The following PTK2B variants were observed in gnomAD, a reference collection of about 807,000 sequenced individuals.
PTK2B encodes the protein protein tyrosine kinase 2 beta.
PTK2B carries 71 observed loss-of-function variants against 142.9 expected under a neutral mutation model. That is an observed-to-expected ratio of 0.50 (90% CI 0.41 to 0.61). The LOEUF (loss-of-function observed/expected upper bound fraction) is 0.61. PTK2B is among the 20% of genes least tolerant of loss of function. PTK2B has a pLI of 0.00. For synonymous variants in PTK2B, 519 were observed against 503.4 expected, an observed-to-expected ratio of 1.03 and a Z score of -0.42; for missense variants, 1,105 against 1,320.4, an observed-to-expected ratio of 0.84 and a Z score of 2.53.
chr8:27,348,325 CCT>C (rs775377468), intron 1 of PTK2B, among the ~76,000 whole-genome samples: 3 of 152,106 alleles, frequency 2.0e-5, no homozygotes, highest in Non-Finnish European at 2.9e-5. Flanking sequence ...TGGTCTCTGC[CCT>C]GTTTCCTCTG....
chr8:27,434,248 A>G (rs1810628687), intron 12 of PTK2B, 116 bp downstream of exon 12: 2 of 1,332,968 alleles, frequency 1.5e-6, no homozygotes, highest in East Asian at 4.6e-5. Flanking sequence ...GGCCCAGGAG[A>G]ACCCTGAAAA....
intron 1 of PTK2B, among the ~76,000 whole-genome samples, chr8:27,385,681 C>T (rs1459640018): frequency 1.3e-5 from 2 of 152,000 alleles, no homozygotes; most frequent in East Asian, 3.9e-4. Flanking sequence ...TCACTTGAGG[C>T]CAGGAGTTCA....
chr8:27,440,546 G>A (rs1563292572), intron 21 of PTK2B, 105 bp downstream of exon 21: 3 of 1,365,852 alleles, frequency 2.2e-6, no homozygotes, highest in Admixed American at 1.9e-5. Flanking sequence ...AAGAAGACGG[G>A]CCAGGGTCAA....
At chr8:27,333,896 T>G (rs564701356) in intron 1 of PTK2B, among the ~76,000 whole-genome samples, 68 of 151,306 alleles carry the variant, frequency 4.5e-4, no homozygotes, top group African/African-American at 1.5e-3. Flanking sequence ...CTGTAAGATA[T>G]TCCCACTTGA....
At chr8:27,336,647 A>G (rs2129799971) in intron 1 of PTK2B, among the ~76,000 whole-genome samples, 1 of 152,384 alleles carries the variant, frequency 6.6e-6, no homozygotes, top group East Asian at 1.9e-4. Context: ...ATTAACTTAA[A>G]TACTGCTTTC....
intron 2 of PTK2B, among the ~76,000 whole-genome samples, chr8:27,410,619 G>C (rs577025825): frequency 6.6e-6 from 1 of 152,320 alleles, no homozygotes; most frequent in African/African-American, 2.4e-5. Flanking sequence ...AAATAGGTGA[G>C]CCTGAGAAAA....
At chr8:27,408,040 C>G (rs1808830427) in intron 2 of PTK2B, among the ~76,000 whole-genome samples, 1 of 152,152 alleles carries the variant, frequency 6.6e-6, no homozygotes, top group African/African-American at 2.4e-5. Flanking sequence ...ACTGTTGGGG[C>G]TCAGAAAACA....
rs1807809520 is a variant in PTK2B, at chr8:27,392,836, C to G, written c.-37-4712C>G. 2.6e-5 allele frequency among the ~76,000 whole-genome samples: 4 copies of G among 152,270 alleles called. No individual in the cohort carries two copies. The South Asian group carries it at 8.3e-4, about 32-fold the overall frequency. On this transcript the variant is annotated intron_variant, in intron 1 of 30. Transcript: ENST00000346049. ...CCATGTGTCAATAGAGACATGGGCACCACCTTCCTGGGCCTGAGGCTTTTG... is the reference window on the plus strand; with the variant it reads ...CCATGTGTCAATAGAGACATGGGCAGCACCTTCCTGGGCCTGAGGCTTTTG...
rs1451890846 is a variant in PTK2B at position 27,453,131 on chromosome 8, C to A, written c.2566C>A (p.Pro856Thr). ...TATTGCAGTGGAGTTCACAGGGCCC[C>A]CACAGAAGCCCCCGAGGCTGGGCGC... The part of the protein sequence containing the change: ...EVGYLEFTGP[P>T]QKPPRLGAQS... Residue 856 changes from proline (P) to threonine (T), a missense_variant, in exon 28 of 31, where the codon CCA becomes ACA. By Grantham distance (38) the Pro-to-Thr change is conservative. Coordinates refer to ENST00000346049, the MANE Select transcript of PTK2B (RefSeq NM_173176.3). The A allele has an allele frequency of 6.2e-7, 1 of 1,614,134 alleles. No individual in the cohort carries two copies. The highest frequency in any genetic ancestry group is 8.5e-7 in the Non-Finnish European group (1 of 1,180,018).
At chr8:27,346,229 G>A (rs1271986744) in intron 1 of PTK2B, among the ~76,000 whole-genome samples, 2 of 152,172 alleles carry the variant, frequency 1.3e-5, no homozygotes, top group East Asian at 1.9e-4. Flanking sequence ...TTTTCACTCT[G>A]TTTTCTTAAA....
At chr8:27,398,583 A>G (rs1563252260) in intron 2 of PTK2B, among the ~76,000 whole-genome samples, 2 of 152,200 alleles carry the variant, frequency 1.3e-5, no homozygotes, top group East Asian at 3.9e-4. Context: ...CTGAGGACAT[A>G]CCTTTCCTCT....
intron 1 of PTK2B, among the ~76,000 whole-genome samples, chr8:27,387,240 G>C (rs1041806843): frequency 7.2e-5 from 11 of 152,154 alleles, no homozygotes; most frequent in African/African-American, 2.7e-4. Context: ...TGCCACTGAA[G>C]AAAGGGGACC....
intron 2 of PTK2B, among the ~76,000 whole-genome samples, chr8:27,399,246 G>T (rs1485986846): frequency 1.3e-5 from 2 of 152,116 alleles, no homozygotes; most frequent in African/African-American, 4.8e-5. Context: ...GTTCATATTA[G>T]GACATGTTCC....
Position 27,397,764 on chromosome 8 carries a change from A to G in PTK2B, c.180A>G (p.Lys60=). The change falls in exon 2 of 31, where the codon AAA becomes AAG. Residue 60 remains lysine, a synonymous_variant. Coordinates refer to ENST00000346049, the MANE Select transcript of PTK2B (RefSeq NM_173176.3). The part of the protein sequence containing the change: ...FNPGKNFKLV[K]CTVQTEIREI... ...CTGGGAAAAACTTCAAACTGGTCAA[A>G]TGCACTGTCCAGACGGAGATCCGGG... is the stretch of plus-strand genomic sequence containing the variant. 1 of 1,614,236 alleles carries G rather than the reference A, an allele frequency of 6.2e-7. No individual in the cohort carries two copies. Among genetic ancestry groups the G allele is most frequent in the South Asian group, 1.1e-5 (1 of 91,092 alleles).
At chr8:27,420,911 A>G (rs533276618) in intron 4 of PTK2B, among the ~76,000 whole-genome samples, 167 bp downstream of exon 4, 203 of 152,260 alleles carry the variant, frequency 1.3e-3, no homozygotes, top group Non-Finnish European at 2.4e-3. Context: ...CGCGGCTCCA[A>G]CCCTGCTTTT....
chr8:27,409,784 C>T (rs117239427), intron 2 of PTK2B, among the ~76,000 whole-genome samples: 3,550 of 152,242 alleles, frequency 0.023, 69 homozygotes, highest in Admixed American at 0.037. Context: ...TGCAATGGTG[C>T]GATATCAGCT....
chr8:27,350,988 AAAATAT>A (rs1381108554), intron 1 of PTK2B, among the ~76,000 whole-genome samples: 1 of 16,220 alleles, frequency 6.2e-5, no homozygotes, highest in Non-Finnish European at 1.4e-4. Flanking sequence ...AAAAAAAAAA[AAAATAT>A]ATATATATAT....
At chr8:27,348,543 C>T (rs374751333) in intron 1 of PTK2B, among the ~76,000 whole-genome samples, 2 of 152,286 alleles carry the variant, frequency 1.3e-5, no homozygotes, top group South Asian at 4.1e-4. Flanking sequence ...GATCGCACCT[C>T]CCAGCACTGT....
rs776687198 is a variant in PTK2B at position 27,432,286 on chromosome 8, G to C, written c.912G>C (p.Gln304His). Residue 304 changes from glutamine (Q) to histidine (H), a missense_variant, in exon 10 of 31, where the codon CAG (glutamine) becomes CAC (histidine). Physicochemically the swap from Gln to His is conservative, Grantham distance 24 (BLOSUM62 0). Transcript: ENST00000346049. ...CCACCTGCCTGGCCGAGTTCAAGCA[G>C]ATCAGGTCCATCAGGTGCCTCCCGC... ...AKPTCLAEFKQIRSIRCLPLE... is the reference protein window; with the variant it reads ...AKPTCLAEFKHIRSIRCLPLE... 8.7e-6 allele frequency: 14 copies of C among 1,614,132 alleles called. No individual in the cohort carries two copies. Among genetic ancestry groups the C allele is most frequent in the Non-Finnish European group, 1.2e-5 (14 of 1,180,024 alleles).
Sources: gnomAD v4.1 joint callset for allele counts (sites outside exome capture counted in the v4.1 genomes callset) on GRCh38, gnomAD v4.1.1 for gene constraint, MANE v1.5 for transcripts, NCBI Gene and HGNC (gene_info 2026-07-23, HGNC 2026-07-21) for gene names.